CDK13: variants seen among roughly 807,000 people sequenced by gnomAD.
CDK13 encodes the protein cyclin-dependent kinase 13.
In CDK13, 40 loss-of-function variants were observed where a neutral mutation model predicts 137.6. That is an observed-to-expected ratio of 0.29 (90% CI 0.23 to 0.38). The LOEUF (loss-of-function observed/expected upper bound fraction) is 0.38. Ranked by LOEUF, CDK13 falls within the 10% of genes least tolerant of loss-of-function variation. The probability of loss-of-function intolerance (pLI) is 1.00; values close to 1 mark genes in which losing one functional copy is unlikely to be tolerated. For missense variants in CDK13, 1,704 were observed against 1,951.8 expected, an observed-to-expected ratio of 0.87 and a Z score of 2.39; for synonymous variants, 869 against 760.1, an observed-to-expected ratio of 1.14 and a Z score of -2.36.
chr7:39,950,432 T>A lies in CDK13; in HGVS notation c.-210T>A. 2 of 1,233,662 alleles carry A rather than the reference T, an allele frequency of 1.6e-6. No homozygotes were observed. Among genetic ancestry groups the A allele is most frequent in the Non-Finnish European group, 2.0e-6 (2 of 989,086 alleles). The allele number at this position is 1,233,662 out of a possible 1,614,324, so 76.4% of individuals were successfully genotyped here. On this transcript the variant is annotated 5_prime_UTR_variant, in exon 1 of 14. Transcript: ENST00000181839. ...GAGCTCCGCCGCCCGGATTCCTGCT[T>A]CCCTGGGGCCCGGAGGCTGCTGCGT...
intron 5 of CDK13, among the ~76,000 whole-genome samples, chr7:40,041,912 C>T (rs941597523): frequency 3.3e-5 from 5 of 152,066 alleles, no homozygotes; most frequent in African/African-American, 7.2e-5. Context: ...AGTCTTGCCA[C>T]GTGAAAGAGT....
chr7:40,018,614 A>T (rs990110727), intron 5 of CDK13, among the ~76,000 whole-genome samples: 4 of 152,196 alleles, frequency 2.6e-5, no homozygotes, highest in African/African-American at 9.7e-5. Flanking sequence ...TGCAACTTGG[A>T]TGGAACTGGA....
chr7:40,093,708 C>T (rs962000368), intron 13 of CDK13, among the ~76,000 whole-genome samples: 1 of 152,020 alleles, frequency 6.6e-6, no homozygotes, highest in Non-Finnish European at 1.5e-5. Flanking sequence ...AATTCAGTAC[C>T]TATCTGTGCA....
intron 2 of CDK13, among the ~76,000 whole-genome samples, chr7:39,993,945 CT>C (rs1784512368): frequency 6.6e-6 from 1 of 152,026 alleles, no homozygotes; most frequent in Non-Finnish European, 1.5e-5. Flanking sequence ...TTTTGACAGT[CT>C]TTAAAATATG....
intron 5 of CDK13, among the ~76,000 whole-genome samples, chr7:40,030,290 G>C (rs934704970): frequency 9.3e-5 from 14 of 150,178 alleles, no homozygotes; most frequent in Middle Eastern, 6.8e-3. Context: ...GAGAGAGAGA[G>C]AGAAAGTCAT....
chr7:40,095,196 C>A lies in CDK13; in HGVS notation c.*216C>A. The A allele has an allele frequency of 2.8e-6, 1 of 357,470 alleles. No individual in the cohort carries two copies. Among genetic ancestry groups the A allele is most frequent in the Non-Finnish European group, 4.9e-6 (1 of 204,030 alleles). The allele number at this position is 357,470 out of a possible 1,614,324, so 22.1% of individuals were successfully genotyped here. A position where few individuals can be genotyped will look rare whatever the true frequency, so the allele number is the denominator to read the frequency against. On this transcript the variant is annotated 3_prime_UTR_variant, in exon 14 of 14. Coordinates refer to ENST00000181839, the MANE Select transcript of CDK13 (RefSeq NM_003718.5). ...AAACTAGATCGATTGTACATCTTCA[C>A]AAATTCTAGTTAACAATTTTATTTT...
intron 1 of CDK13, among the ~76,000 whole-genome samples, chr7:39,960,528 A>AT (rs1787585797): frequency 6.6e-6 from 1 of 151,918 alleles, no homozygotes; most frequent in South Asian, 2.1e-4. Flanking sequence ...AAGTGCTGGG[A>AT]TTACAGGCAT....
Position 39,951,840 on chromosome 7 carries a change from G to T in CDK13, c.1199G>T (p.Ser400Ile). 1 of 1,422,920 alleles carries T rather than the reference G, an allele frequency of 7.0e-7. No individual in the cohort carries two copies. The highest frequency in any genetic ancestry group is 9.1e-7 in the Non-Finnish European group (1 of 1,093,196). The allele number at this position is 1,422,920 out of a possible 1,614,324, so 88.1% of individuals were successfully genotyped here. The stretch of plus-strand genomic sequence containing the variant: ...TGGCGCCGCTCTCGCAGTCCCTACA[G>T]CCCTGTGCTCAGGTGAGTTCTGCCG... ...SSWRRSRSPY[S>I]PVLRRSGKSR... The change falls in exon 1 of 14, where the codon AGC becomes ATC. Residue 400 changes from serine to isoleucine, a missense_variant. Ser to Ile is a moderately radical substitution (Grantham distance 142). This residue lies in a region of CDK13 where 1,051 missense variants were observed against 931.0 expected (regional missense o/e 1.13). Transcript: ENST00000181839.
intron 9 of CDK13, among the ~76,000 whole-genome samples, chr7:40,075,475 A>G (rs891321274): frequency 2.6e-5 from 4 of 152,116 alleles, no homozygotes; most frequent in African/African-American, 9.7e-5. Context: ...TAAAATTTCA[A>G]TAAAATAAAA....
At chr7:39,957,083 C>A (rs1411648009) in intron 1 of CDK13, among the ~76,000 whole-genome samples, 1 of 144,904 alleles carries the variant, frequency 6.9e-6, no homozygotes, top group Non-Finnish European at 1.5e-5. Flanking sequence ...CTCAAAAATC[C>A]CACTGTCGTG....
intron 1 of CDK13, among the ~76,000 whole-genome samples, chr7:39,970,538 G>T (rs1783975518): frequency 6.6e-6 from 1 of 150,714 alleles, no homozygotes; most frequent in Non-Finnish European, 1.5e-5. Context: ...TTGGCTCACT[G>T]CAACCTCCGC....
intron 9 of CDK13, chr7:40,066,976 G>A (rs1174666400): frequency 6.7e-6 from 1 of 149,740 alleles, no homozygotes; most frequent in African/African-American, 2.5e-5. Flanking sequence ...AACCCAACCA[G>A]CCAACTCTTG....
intron 1 of CDK13, among the ~76,000 whole-genome samples, chr7:39,976,964 G>A (rs1039573646): frequency 1.3e-5 from 2 of 152,104 alleles, no homozygotes; most frequent in Non-Finnish European, 2.9e-5. Context: ...CCTCAAAGAG[G>A]GTGCAGTCTG....
intron 5 of CDK13, among the ~76,000 whole-genome samples, chr7:40,009,064 T>G (rs1234961861): frequency 3.9e-5 from 6 of 152,162 alleles, no homozygotes; most frequent in Non-Finnish European, 7.4e-5. Context: ...ATAAAATAAA[T>G]ATTTGTCATA....
intron 11 of CDK13, among the ~76,000 whole-genome samples, chr7:40,082,046 G>C (rs901014557): frequency 6.6e-6 from 1 of 152,172 alleles, no homozygotes; most frequent in Admixed American, 6.6e-5. Flanking sequence ...TCTAGAATGA[G>C]ACATATTTCC....
intron 12 of CDK13, among the ~76,000 whole-genome samples, chr7:40,088,677 G>A (rs2150544660): frequency 6.6e-6 from 1 of 152,300 alleles, no homozygotes; most frequent in African/African-American, 2.4e-5. Context: ...GCAGTAGGAA[G>A]AAAGGTATAA....
At chr7:40,069,242 CAGAA>C (rs1786356635) in intron 9 of CDK13, 1 of 436,640 alleles carries the variant, frequency 2.3e-6, no homozygotes. Flanking sequence ...CTCAAAAAAA[CAGAA>C]ATAAAACAAC....
chr7:40,047,905 A>G (rs755941242), intron 7 of CDK13, 28 bp downstream of exon 7: 6 of 1,422,322 alleles, frequency 4.2e-6, no homozygotes, highest in South Asian at 1.2e-5. Flanking sequence ...TGAATATTGT[A>G]GATACTAGAG....
intron 3 of CDK13, chr7:39,998,108 G>A (rs1347397974): frequency 6.4e-6 from 1 of 155,476 alleles, no homozygotes; most frequent in Non-Finnish European, 1.4e-5. Context: ...AAGAAGTTTT[G>A]AAATTTGTAT....
Sources: gnomAD v4.1 joint callset for allele counts (sites outside exome capture counted in the v4.1 genomes callset) on GRCh38, gnomAD v4.1.1 for gene constraint, gnomAD v4.1.1 regional missense constraint, MANE v1.5 for transcripts, NCBI Gene and HGNC (gene_info 2026-07-23, HGNC 2026-07-21) for gene names.